NTM: variants seen among roughly 807,000 people sequenced by gnomAD.
NTM encodes neurotrimin, also known as IgLON family member 2.
A neutral mutation model predicts 42.1 loss-of-function variants in NTM; 13 were observed. The ratio of observed to expected loss-of-function variants is 0.31; its 90% CI spans 0.20 to 0.49. The LOEUF is 0.49. Ranked by LOEUF, NTM falls within the 20% of genes least tolerant of loss-of-function variation. NTM has a pLI of 0.99. For missense variants in NTM, 373 were observed against 452.8 expected (o/e 0.82, Z 1.60); for synonymous variants, 187 against 179.2 (o/e 1.04, Z -0.35).
intron 1 of NTM, chr11:131,796,096 C>T (rs1591917503): frequency 2.1e-5 from 21 of 985,314 alleles, no homozygotes; most frequent in East Asian, 1.1e-4. Flanking sequence ...GTTATTTTCC[C>T]GGGGGAAATC....
chr11:132,121,630 C>T (rs1056168222), intron 2 of NTM, among the ~76,000 whole-genome samples: 8 of 152,294 alleles, frequency 5.3e-5, no homozygotes, highest in Middle Eastern at 3.4e-3. Context: ...ACCTCAGAAC[C>T]TTTAATTCTC....
In NTM at chr11:132,002,327, AT is replaced by A. The variant is rs533331114; in HGVS notation, c.167+90680del. Among the ~76,000 whole-genome samples the A allele has an allele frequency of 1.7e-3, 264 of 152,314 alleles. 2 individuals are homozygous for A. The highest frequency in any genetic ancestry group is 6.1e-3 in the African/African-American group (252 of 41,578). On this transcript the variant is annotated intron_variant, in intron 2 of 8. Coordinates refer to ENST00000683400, the MANE Select transcript of NTM (RefSeq NM_001352005.2). This position sits in a 1 kb window ranked among gnomAD's most constrained non-coding sequence, Gnocchi z 4.5. ...TTATTTAGTTATTTGGAACATTAAT[AT>A]GCTGGTGTATCATATATTTTAATAA...
intron 7 of NTM, chr11:132,314,946 G>A: frequency 8.2e-7 from 1 of 1,215,784 alleles, no homozygotes; most frequent in Non-Finnish European, 1.0e-6. Context: ...AGTAGTATAT[G>A]TATAGTACAT....
At chr11:132,093,065 A>G (rs1000625492) in intron 2 of NTM, among the ~76,000 whole-genome samples, 1 of 152,142 alleles carries the variant, frequency 6.6e-6, no homozygotes, top group Non-Finnish European at 1.5e-5. Context: ...AGAAGTTTCC[A>G]TTGGCATTCT....
chr11:132,270,822 G>C (rs1189922172), intron 4 of NTM, among the ~76,000 whole-genome samples: 1 of 151,976 alleles, frequency 6.6e-6, no homozygotes, highest in African/African-American at 2.4e-5. Flanking sequence ...ATTGTGCTTT[G>C]TGTATGTGTG....
chr11:131,796,769 T>C (rs1051168563), intron 1 of NTM, among the ~76,000 whole-genome samples: 5 of 152,158 alleles, frequency 3.3e-5, no homozygotes, highest in Admixed American at 6.5e-5. Context: ...CTGGGGAGGA[T>C]AGCACAGTAA....
intron 1 of NTM, among the ~76,000 whole-genome samples, chr11:131,607,027 TG>T (rs1465178996): frequency 4.6e-5 from 7 of 152,258 alleles, no homozygotes; most frequent in Non-Finnish European, 8.8e-5. Flanking sequence ...TATCGGTTTC[TG>T]GGTAATCCCC....
At chr11:131,717,637 T>C in intron 1 of NTM, among the ~76,000 whole-genome samples, 1 of 152,368 alleles carries the variant, frequency 6.6e-6, no homozygotes, top group East Asian at 1.9e-4. Flanking sequence ...TCAGATATTC[T>C]ATATGGCAAT....
chr11:131,793,559 C>T (rs940176265), intron 1 of NTM, among the ~76,000 whole-genome samples: 7 of 152,322 alleles, frequency 4.6e-5, no homozygotes, highest in Admixed American at 3.9e-4. Flanking sequence ...AGCCATAGCA[C>T]CTATGTGTTT....
intron 2 of NTM, among the ~76,000 whole-genome samples, chr11:132,080,558 C>A (rs867849946): frequency 6.6e-6 from 1 of 152,198 alleles, no homozygotes; most frequent in African/African-American, 2.4e-5. Flanking sequence ...AGACTGTCAG[C>A]CCTACTGGTG....
At chr11:131,444,120 T>A (rs1480910492) in intron 1 of NTM, among the ~76,000 whole-genome samples, 1 of 146,240 alleles carries the variant, frequency 6.8e-6, no homozygotes, top group Non-Finnish European at 1.5e-5. Flanking sequence ...ATGAGAATAG[T>A]TGAGAGTTGA....
intron 2 of NTM, among the ~76,000 whole-genome samples, chr11:131,959,974 G>A (rs1640908937): frequency 6.6e-6 from 1 of 152,314 alleles, no homozygotes; most frequent in South Asian, 2.1e-4. Context: ...ACTAGAGATT[G>A]CACAGACCTG....
intron 2 of NTM, among the ~76,000 whole-genome samples, chr11:132,014,736 G>GTTTTTTTTTTTTTTTT (rs146527050): frequency 1.2e-5 from 1 of 84,018 alleles, no homozygotes; most frequent in African/African-American, 5.1e-5. Context: ...AGAATTACTT[G>GTTTTTTTTTTTTTTTT]TTTTTTTTTT....
At chr11:131,473,412 C>T (rs1249397276) in intron 1 of NTM, among the ~76,000 whole-genome samples, 5 of 152,144 alleles carry the variant, frequency 3.3e-5, no homozygotes, top group South Asian at 4.1e-4. Flanking sequence ...TAGGTGAAGG[C>T]GTATTCATCA....
intron 3 of NTM, among the ~76,000 whole-genome samples, chr11:132,191,225 C>T (rs1467446962): frequency 6.6e-6 from 1 of 152,186 alleles, no homozygotes; most frequent in South Asian, 2.1e-4. Flanking sequence ...CTTAGCCACC[C>T]AACCCCACCA....
intron 3 of NTM, among the ~76,000 whole-genome samples, chr11:132,195,346 A>G (rs1362736935): frequency 6.6e-6 from 1 of 152,180 alleles, no homozygotes; most frequent in Non-Finnish European, 1.5e-5. Flanking sequence ...AAGAAGAATC[A>G]ATATTGTTAA....
At chr11:131,850,121 A>C (rs2045364804) in intron 1 of NTM, among the ~76,000 whole-genome samples, 1 of 151,756 alleles carries the variant, frequency 6.6e-6, no homozygotes, top group South Asian at 2.1e-4. Flanking sequence ...TGTAGATGTA[A>C]ACACTTAATT....
chr11:132,007,495 C>G (rs541559743), intron 2 of NTM, among the ~76,000 whole-genome samples: 56 of 152,302 alleles, frequency 3.7e-4, no homozygotes, highest in African/African-American at 1.3e-3. Flanking sequence ...ACTCAGTAAA[C>G]AGCCCTGAAA....
chr11:132,056,283 A>G (rs2079639125), intron 2 of NTM, among the ~76,000 whole-genome samples: 1 of 152,256 alleles, frequency 6.6e-6, no homozygotes, highest in African/African-American at 2.4e-5. Flanking sequence ...AATGGCTATG[A>G]GAAAGAGAGC....
Sources: allele counts gnomAD v4.1 joint callset (sites outside exome capture counted in the v4.1 genomes callset), GRCh38; gene constraint gnomAD v4.1.1; non-coding constraint Gnocchi (gnomAD v3.1); transcripts MANE v1.5; gene names NCBI Gene and HGNC (gene_info 2026-07-23, HGNC 2026-07-21).